The following TASP1 variants were observed in gnomAD, a reference collection of about 807,000 sequenced individuals.
The protein encoded by TASP1 is threonine aspartase 1.
In TASP1, 16 loss-of-function variants were observed where a neutral mutation model predicts 56.6. The observed-to-expected ratio is 0.28, with a 90% CI of 0.19 to 0.43. The LOEUF (loss-of-function observed/expected upper bound fraction) is 0.43, where lower values mean the gene tolerates loss of function less well. Ranked by LOEUF, TASP1 falls within the 20% of genes least tolerant of loss-of-function variation. The pLI, the probability that TASP1 is intolerant of heterozygous loss-of-function variation, is 1.00. For synonymous variants in TASP1, 179 were observed against 184.2 expected (o/e 0.97, Z 0.23); for missense variants, 393 against 511.6 (o/e 0.77, Z 2.24).
At chr20:13,548,603 A>G (rs1454738191) in intron 8 of TASP1, among the ~76,000 whole-genome samples, 1 of 152,138 alleles carries the variant, frequency 6.6e-6, no homozygotes, top group Admixed American at 6.6e-5. Flanking sequence ...ACTGTGAACA[A>G]TGAAAGTGAC....
intron 11 of TASP1, among the ~76,000 whole-genome samples, chr20:13,480,738 C>G (rs968507755): frequency 6.6e-6 from 1 of 152,150 alleles, no homozygotes; most frequent in African/African-American, 2.4e-5. Flanking sequence ...TTCTCAACAA[C>G]CATAAAGTTA....
intron 7 of TASP1, among the ~76,000 whole-genome samples, chr20:13,564,771 CAGGCAAATCATT>C (rs2046457490): frequency 6.6e-6 from 1 of 151,720 alleles, no homozygotes; most frequent in African/African-American, 2.4e-5. Context: ...GAGGCCGAGG[CAGGCAAATCATT>C]TGAAGTCAGG....
the TASP1 span, among the ~76,000 whole-genome samples, chr20:13,213,809 T>C: frequency 6.6e-6 from 1 of 152,134 alleles, no homozygotes; most frequent in Admixed American, 6.5e-5. Flanking sequence ...GAACATAACA[T>C]TATCCAGGCA....
chr20:13,531,131 G>A (rs1453255819), intron 9 of TASP1, among the ~76,000 whole-genome samples: 3 of 152,152 alleles, frequency 2.0e-5, no homozygotes, highest in African/African-American at 4.8e-5. Context: ...GTTATTACTA[G>A]GGGCTATAAT....
the TASP1 span, among the ~76,000 whole-genome samples, chr20:13,211,185 A>C: frequency 0.01 from 1,585 of 152,294 alleles, 11 homozygotes; most frequent in Non-Finnish European, 0.015. Context: ...ACAGTGTATT[A>C]TATTGCAGGA....
At chr20:13,360,378 C>A in the TASP1 span, among the ~76,000 whole-genome samples, 198 of 151,832 alleles carry the variant, frequency 1.3e-3, no homozygotes, top group African/African-American at 4.5e-3. Context: ...TGTTACCTAT[C>A]TCGGCATAAT....
the TASP1 span, among the ~76,000 whole-genome samples, chr20:13,364,209 C>T: frequency 6.6e-6 from 1 of 152,104 alleles, no homozygotes; most frequent in African/African-American, 2.4e-5. Context: ...GGATGTCCTG[C>T]TTTTGGAGTT....
the TASP1 span, among the ~76,000 whole-genome samples, chr20:13,322,850 C>T: frequency 6.6e-6 from 1 of 152,170 alleles, no homozygotes; most frequent in Non-Finnish European, 1.5e-5. Flanking sequence ...AGCCACAGAT[C>T]TGGATAAGCT....
the TASP1 span, among the ~76,000 whole-genome samples, chr20:13,157,186 C>T: frequency 6.6e-6 from 1 of 151,746 alleles, no homozygotes; most frequent in East Asian, 1.9e-4. Context: ...GCCTGTAATC[C>T]CAACACTTTA....
chr20:13,564,471 T>C (rs1184400016), intron 7 of TASP1, among the ~76,000 whole-genome samples: 1 of 151,756 alleles, frequency 6.6e-6, no homozygotes, highest in African/African-American at 2.4e-5. Flanking sequence ...GGTTCATGAA[T>C]TGGAAGCTTT....
the TASP1 span, among the ~76,000 whole-genome samples, chr20:13,325,392 G>T: frequency 6.6e-6 from 1 of 152,178 alleles, no homozygotes; most frequent in Non-Finnish European, 1.5e-5. Context: ...TCTGGTATCT[G>T]TCTCCATAAA....
chr20:13,631,910 A>G (rs1290145199), intron 1 of TASP1, among the ~76,000 whole-genome samples: 1 of 151,836 alleles, frequency 6.6e-6, no homozygotes, highest in East Asian at 1.9e-4. Context: ...TTAATTAGCC[A>G]GGCATGGTGG....
chr20:13,325,092 G>A, the TASP1 span, among the ~76,000 whole-genome samples: 2 of 152,186 alleles, frequency 1.3e-5, no homozygotes, highest in South Asian at 4.1e-4. Flanking sequence ...GGAGCTCCTG[G>A]ATGCAAGGAA....
In TASP1 at chr20:13,615,803, G is replaced by A. The variant is rs1024524669; in HGVS notation, c.282+7643C>T. On this transcript the variant is annotated intron_variant, in intron 4 of 13. Transcript: ENST00000337743. Reference sequence around the variant, plus strand: ...CAGGTGTGAGCAACTGTGCCAGGCCGAGAATCTTAAAAATTATGTAACTTA... The same window carrying A: ...CAGGTGTGAGCAACTGTGCCAGGCCAAGAATCTTAAAAATTATGTAACTTA... Among the ~76,000 whole-genome samples, 10 of 151,924 alleles carry A rather than the reference G, an allele frequency of 6.6e-5. No homozygotes were observed. The South Asian group carries it at 8.3e-4, about 13-fold the overall frequency.
chr20:13,221,982 T>TAGTGCCGG, the TASP1 span: 1 of 1,254,962 alleles, frequency 8.0e-7, no homozygotes, highest in Non-Finnish European at 1.0e-6. Context: ...GGTGCTGAGC[T>TAGTGCCGG]AGTGCCGGGT....
intron 1 of TASP1, among the ~76,000 whole-genome samples, chr20:13,634,352 C>G (rs1158675403): frequency 6.6e-6 from 1 of 152,122 alleles, no homozygotes; most frequent in Non-Finnish European, 1.5e-5. Context: ...GACGGTAGAT[C>G]TGTGATTGCT....
At position 13,483,219 on chromosome 20, in the gene TASP1, A is replaced by G; in HGVS notation, c.985+8T>C. 6.4e-7 allele frequency: 1 copy of G among 1,563,938 alleles called. No individual in the cohort carries two copies. Among genetic ancestry groups the G allele is most frequent in the Non-Finnish European group, 8.7e-7 (1 of 1,151,038 alleles). ...TAGAAGATGTAATCTTCTTAATGTTATACTTACTGATAAACTTGTTTTGCA... is the reference window on the plus strand; with the variant it reads ...TAGAAGATGTAATCTTCTTAATGTTGTACTTACTGATAAACTTGTTTTGCA... On this transcript the variant is annotated splice_region_variant and intron_variant, in intron 11 of 13. Transcript: ENST00000337743.
chr20:13,242,505 G>A, the TASP1 span, among the ~76,000 whole-genome samples: 183 of 152,138 alleles, frequency 1.2e-3, 1 homozygote, highest in African/African-American at 4.3e-3. Context: ...GGAAAAGCCC[G>A]AGAAGGTCCA....
chr20:13,456,632 T>TA (rs1309362736), intron 11 of TASP1, among the ~76,000 whole-genome samples: 1 of 152,078 alleles, frequency 6.6e-6, no homozygotes, highest in Non-Finnish European at 1.5e-5. Context: ...TGTTGAGAAA[T>TA]AAAGTTTATA....
Sources: allele counts gnomAD v4.1 joint callset (sites outside exome capture counted in the v4.1 genomes callset), GRCh38; gene constraint gnomAD v4.1.1; transcripts MANE v1.5; gene names NCBI Gene and HGNC (gene_info 2026-07-23, HGNC 2026-07-21).